TTN: variants seen among roughly 807,000 people sequenced by gnomAD.
TTN encodes the protein connectin.
A neutral mutation model predicts 3,223.0 loss-of-function variants in TTN; 1,525 were observed. The ratio of observed to expected loss-of-function variants is 0.47; its 90% confidence interval spans 0.45 to 0.49. The LOEUF (loss-of-function observed/expected upper bound fraction) is 0.49. TTN is among the 20% of genes least tolerant of loss of function. The pLI is 0.00. For synonymous variants in TTN, 14,094 were observed against 15,161.0 expected (o/e 0.93, Z 5.17); for missense variants, 40,786 against 43,424.0 (o/e 0.94, Z 5.40).
In TTN at chr2:178,550,212, C is replaced by G. The variant is rs761453557; in HGVS notation, c.91626G>C (p.Glu30542Asp). Reference protein sequence around the residue: ...YFDGLIIKSGESLRIKALVQG... With the variant: ...YFDGLIIKSGDSLRIKALVQG... ...GTACCAAAGCTTTAATTCTAAGGCT[C>G]TCTCCGGACTTAATAATGAGACCAT... The change falls in exon 337 of 363, where the codon GAG (glutamate) becomes GAC (aspartate). Residue 30542 changes from glutamate to aspartate, a missense_variant. Coordinates refer to ENST00000589042, the MANE Select transcript of TTN (RefSeq NM_001267550.2). 1.2e-6 allele frequency: 2 copies of G among 1,613,636 alleles called. No individual in the cohort carries two copies. The highest frequency in any genetic ancestry group is 8.5e-7 in the Non-Finnish European group (1 of 1,179,676).
In TTN at chr2:178,571,524, C is replaced by A. The variant is rs768892376; in HGVS notation, c.74608G>T (p.Ala24870Ser). Residue 24870 changes from alanine to serine, a missense_variant, in exon 326 of 363, where the codon GCT becomes TCT. By Grantham distance (99) the Ala-to-Ser change is moderately conservative (BLOSUM62 1). Transcript: ENST00000589042. The stretch of plus-strand genomic sequence containing the variant: ...TCACATCCAGTCTTCAGTCTGCAAG[C>A]CTTTATTGTTGTCCTTGCAACTGTA... ...SATVARTTIKACRLKTGCEYQ... is the reference protein window; with the variant it reads ...SATVARTTIKSCRLKTGCEYQ... The A allele has an allele frequency of 3.7e-6, 6 of 1,613,126 alleles. No individual in the cohort carries two copies. Among genetic ancestry groups the A allele is most frequent in the Non-Finnish European group, 5.1e-6 (6 of 1,179,582 alleles).
In TTN at chr2:178,675,036, T is replaced by C. The variant is rs371880098; in HGVS notation, c.34612+3A>G. The C allele has an allele frequency of 3.3e-6, 5 of 1,507,086 alleles. No individual in the cohort carries two copies. The highest frequency in any genetic ancestry group is 2.9e-5 in the African/African-American group (2 of 68,600). The allele number at this position is 1,507,086 out of a possible 1,614,324, so 93.4% of individuals were successfully genotyped here. On this transcript the variant is annotated splice_donor_region_variant and intron_variant, in intron 150 of 362. Coordinates refer to ENST00000589042, the MANE Select transcript of TTN (RefSeq NM_001267550.2). ...AATGTTATTTTCTTAGAAAGTTATCTACCTTCAACTGGTAGAACTTCCTCT... is the reference window on the plus strand; with the variant it reads ...AATGTTATTTTCTTAGAAAGTTATCCACCTTCAACTGGTAGAACTTCCTCT...
intron 47 of TTN, chr2:178,748,722 G>T (rs766247442): frequency 2.5e-6 from 4 of 1,612,484 alleles, no homozygotes; most frequent in South Asian, 1.1e-5. Context: ...GAAATTGCAG[G>T]TTTATCTATA....
chr2:178,613,180 G>T lies in TTN; in HGVS notation c.49629C>A (p.Ile16543=). The T allele has an allele frequency of 1.2e-6, 2 of 1,610,644 alleles. No individual in the cohort carries two copies. The highest frequency in any genetic ancestry group is 1.7e-6 in the Non-Finnish European group (2 of 1,178,696). The change falls in exon 264 of 363, where the codon ATC becomes ATA. Residue 16543 remains isoleucine (I), a synonymous_variant. Coordinates refer to ENST00000589042, the MANE Select transcript of TTN (RefSeq NM_001267550.2). ...PGKPSKSTEP[I]LIKDPIDPPW... is the part of the protein sequence containing the mutation. ...TAATACCTATGGGATCCTTTATTAA[G>T]ATTGGTTCAGTTGATTTGCTTGGTT...
At chr2:178,642,171 T>C in intron 219 of TTN, 66 bp downstream of exon 219, 2 of 1,363,208 alleles carry the variant, frequency 1.5e-6, no homozygotes, top group Non-Finnish European at 9.9e-7. Context: ...AGAAACATTT[T>C]GTAAGCTTTC....
Position 178,783,754 on chromosome 2 carries a change from A to G in TTN, c.2807T>C (p.Val936Ala), listed in dbSNP as rs139567470. ...AGTTGGTGGAGTAACAGGAATTTCA[A>G]CAGGTGCTGGTACTCTTGCTGTTTC... ...VTETARVPAP[V>A]EIPVTPPTLV... The change falls in exon 17 of 363, where the codon GTT (valine) becomes GCT (alanine). Residue 936 changes from valine (V) to alanine (A), a missense_variant. Val to Ala is a moderately conservative substitution (Grantham distance 64). Transcript: ENST00000589042. 6 of 1,613,550 alleles carry G rather than the reference A, an allele frequency of 3.7e-6. No individual in the cohort carries two copies. The African/African-American group carries it at 5.3e-5, about 14-fold the overall frequency.
chr2:178,577,122 T>A lies in TTN; in HGVS notation c.69213A>T (p.Pro23071=). The change falls in exon 324 of 363, where the codon CCA becomes CCT. Residue 23071 remains proline (P), a synonymous_variant. Coordinates refer to ENST00000589042, the MANE Select transcript of TTN (RefSeq NM_001267550.2). ...TCTTTTCAAGTATATAGGACTTAAT[T>A]GGTGAGCCGCCATCTTCCAAGGGAG... ...WTPPLEDGGS[P]IKSYILEKRE... is the part of the protein sequence containing the mutation. 2 of 1,613,204 alleles carry A rather than the reference T, an allele frequency of 1.2e-6. No homozygotes were observed. The highest frequency in any genetic ancestry group is 1.7e-6 in the Non-Finnish European group (2 of 1,179,518).
chr2:178,649,502 T>G (rs2062575092), intron 212 of TTN, 52 bp downstream of exon 212: 2 of 1,515,226 alleles, frequency 1.3e-6, no homozygotes, highest in East Asian at 4.9e-5. Flanking sequence ...GGATTCCACT[T>G]TAAGATATCA....
chr2:178,782,451 T>C (rs367694070), intron 19 of TTN, 24 bp from the exon 20 acceptor site: 5 of 1,613,990 alleles, frequency 3.1e-6, no homozygotes, highest in Non-Finnish European at 4.2e-6. Context: ...TCCCCTCATA[T>C]TAGCTTCCGG....
rs763888823 is a variant in TTN, at chr2:178,538,650, A to C, written c.99179T>G (p.Ile33060Arg). The C allele has an allele frequency of 6.2e-7, 1 of 1,613,542 alleles. No homozygotes were observed. Among genetic ancestry groups the C allele is most frequent in the African/African-American group, 1.3e-5 (1 of 74,862 alleles). The change falls in exon 354 of 363, where the codon ATA (isoleucine) becomes AGA (arginine). Residue 33060 changes from isoleucine (I) to arginine (R), a missense_variant. By Grantham distance (97) the Ile-to-Arg change is moderately conservative. Transcript: ENST00000589042. Reference sequence around the variant, plus strand: ...CTCAGTAGCTTCCAGCAAACCTCCTATTGTGAATTGCTTGTCCTTAATACG... The same window carrying C: ...CTCAGTAGCTTCCAGCAAACCTCCTCTTGTGAATTGCTTGTCCTTAATACG... Reference protein sequence around the residue: ...KERIKDKQFTIGGLLEATEYE... With the variant: ...KERIKDKQFTRGGLLEATEYE...
chr2:178,543,398 T>G lies in TTN; in HGVS notation c.96575A>C (p.Glu32192Ala). 6.2e-7 allele frequency: 1 copy of G among 1,613,896 alleles called. No individual in the cohort carries two copies. The highest frequency in any genetic ancestry group is 8.5e-7 in the Non-Finnish European group (1 of 1,179,816). ...ENIYGIGEPC[E>A]TSDAVLVSEV... ...TGAGACCAGTACTGCATCAGATGTT[T>G]CACAAGGTTCTCCAATGCCATAAAT... is the stretch of plus-strand genomic sequence containing the variant. The change falls in exon 347 of 363, where the codon GAA becomes GCA. Residue 32192 changes from glutamate to alanine, a missense_variant. By Grantham distance (107) the Glu-to-Ala change is moderately radical. Coordinates refer to ENST00000589042, the MANE Select transcript of TTN (RefSeq NM_001267550.2).
At position 178,651,727 on chromosome 2, in the gene TTN, A is replaced by G; in HGVS notation, c.39402T>C (p.Pro13134=). 1 of 1,613,322 alleles carries G rather than the reference A, an allele frequency of 6.2e-7. No individual in the cohort carries two copies. The highest frequency in any genetic ancestry group is 8.5e-7 in the Non-Finnish European group (1 of 1,179,566). Residue 13134 remains proline (P), a synonymous_variant, in exon 206 of 363, where the codon CCT becomes CCC. Coordinates refer to ENST00000589042, the MANE Select transcript of TTN (RefSeq NM_001267550.2). The part of the protein sequence containing the change: ...PPQVTVPPKK[P]VPEKKAPAVV... ...CAGCAGGTGCTTTCTTTTCTGGGACAGGTTTCTTAGGTGGTACGGTCACTA... is the reference window on the plus strand; with the variant it reads ...CAGCAGGTGCTTTCTTTTCTGGGACGGGTTTCTTAGGTGGTACGGTCACTA...
Position 178,562,698 on chromosome 2 carries a change from C to A in TTN, c.83434G>T (p.Ala27812Ser), listed in dbSNP as rs727504186. ...IVEKRETTRK[A>S]YATITNNCTK... is the part of the protein sequence containing the mutation. ...CAATTATTTGTAATGGTAGCATAGG[C>A]TTTTCTTGTAGTTTCTCGTTTTTCG... The change falls in exon 326 of 363, where the codon GCC becomes TCC. Residue 27812 changes from alanine to serine, a missense_variant. Coordinates refer to ENST00000589042, the MANE Select transcript of TTN (RefSeq NM_001267550.2). The A allele has an allele frequency of 6.9e-6, 11 of 1,595,652 alleles. No individual in the cohort carries two copies. The Admixed American group carries it at 7.0e-5, about 10-fold the overall frequency.
In TTN at chr2:178,629,363, A is replaced by T; in HGVS notation, c.44362T>A (p.Ser14788Thr). 1 of 1,612,964 alleles carries T rather than the reference A, an allele frequency of 6.2e-7. No homozygotes were observed. Among genetic ancestry groups the T allele is most frequent in the Non-Finnish European group, 8.5e-7 (1 of 1,179,330 alleles). The change falls in exon 240 of 363, where the codon TCC becomes ACC. Residue 14788 changes from serine to threonine, a missense_variant. Coordinates refer to ENST00000589042, the MANE Select transcript of TTN (RefSeq NM_001267550.2). ...CATTCCACTGGGATATCTTCGTAGG[A>T]GAGCTCGCAGTCGAAGGTGGCTGTT... Reference protein sequence around the residue: ...GETATFDCELSYEDIPVEWYL... With the variant: ...GETATFDCELTYEDIPVEWYL...
In TTN at chr2:178,675,548, C is replaced by G. The variant is rs552490377; in HGVS notation, c.34537+123G>C. 22 of 787,986 alleles carry G rather than the reference C, an allele frequency of 2.8e-5. No individual in the cohort carries two copies. The East Asian group carries it at 5.4e-4, about 19-fold the overall frequency. 48.8% of individuals were successfully genotyped at this position (787,986 alleles called of 1,614,324 possible). On this transcript the variant is annotated intron_variant, in intron 149 of 362. Transcript: ENST00000589042. ...AACACAAACTTGGGTGCAAAAGAGT[C>G]AGAAATGACGAATGTGAATGACAGA...
chr2:178,674,180 C>A, intron 151 of TTN, 134 bp downstream of exon 151: 1 of 620,454 alleles, frequency 1.6e-6, no homozygotes, highest in Non-Finnish European at 2.9e-6. Flanking sequence ...GATTCAGGTG[C>A]CAGGAATAAT....
intron 24 of TTN, 161 bp downstream of exon 24, chr2:178,778,713 G>C: frequency 1.0e-6 from 1 of 968,386 alleles, no homozygotes; most frequent in Non-Finnish European, 1.6e-6. Flanking sequence ...CTTACACAGG[G>C]GCAAGAAATA....
At chr2:178,587,066 T>C in intron 307 of TTN, 52 bp downstream of exon 307, 2 of 1,603,378 alleles carry the variant, frequency 1.2e-6, no homozygotes, top group Non-Finnish European at 1.7e-6. Context: ...TATCTTGACC[T>C]TGCTAAAATA....
rs765570520 is a variant in TTN, at chr2:178,686,113, A to ATTTTTTTTTTTTT, written c.32312-528_32312-516dup. ...TTGAGCCTAAGTGTATACAGTTTTA[A>ATTTTTTTTTTTTT]TTTTTTTTTTTTTTTTTTTTTTTTT... is the stretch of plus-strand genomic sequence containing the variant. On this transcript the variant is annotated intron_variant, in intron 127 of 362. Transcript: ENST00000589042. 2.6e-4 allele frequency among the ~76,000 whole-genome samples: 20 copies of ATTTTTTTTTTTTT among 77,802 alleles called. 3 individuals are homozygous for ATTTTTTTTTTTTT. Among genetic ancestry groups the ATTTTTTTTTTTTT allele is most frequent in the African/African-American group, 1.3e-3 (20 of 15,088 alleles). 51.0% of individuals were successfully genotyped at this position (77,802 alleles called of 152,430 possible).
Sources: gnomAD v4.1 joint callset for allele counts (sites outside exome capture counted in the v4.1 genomes callset) on GRCh38, gnomAD v4.1.1 for gene constraint, MANE v1.5 for transcripts, NCBI Gene and HGNC (gene_info 2026-07-23, HGNC 2026-07-21) for gene names.